ZSCAN5B: variants seen among roughly 807,000 people sequenced by gnomAD.
ZSCAN5B encodes the protein zinc finger and SCAN domain-containing protein 5B.
In ZSCAN5B, 26 loss-of-function variants were observed where a neutral mutation model predicts 25.2. That is an observed-to-expected ratio of 1.03 (90% confidence interval 0.76 to 1.43). The LOEUF (loss-of-function observed/expected upper bound fraction) is 1.43, where lower values mean the gene tolerates loss of function less well. Ranked by LOEUF, ZSCAN5B falls within the 40% of genes most tolerant of loss-of-function variation. ZSCAN5B has a pLI of 0.00. For synonymous variants in ZSCAN5B, 244 were observed against 240.9 expected (o/e 1.01, Z -0.12); for missense variants, 745 against 622.1 (o/e 1.20, Z -2.10).
intron 1 of ZSCAN5B, among the ~76,000 whole-genome samples, chr19:56,196,611 CAATTTGAAAGTA>C (rs1388374611): frequency 6.6e-6 from 1 of 152,056 alleles, no homozygotes; most frequent in Non-Finnish European, 1.5e-5. Context: ...TTATATTTCT[CAATTTGAAAGTA>C]AATTAGGCCT....
chr19:56,191,367 T>C (rs1303397913), intron 3 of ZSCAN5B, among the ~76,000 whole-genome samples: 1 of 152,070 alleles, frequency 6.6e-6, no homozygotes, highest in Non-Finnish European at 1.5e-5. Flanking sequence ...GCCTCCACCC[T>C]CTAGATGCTA....
exon 4 of ZSCAN5B, chr19:56,190,931 C>T (rs374861595): frequency 9.3e-6 from 15 of 1,614,008 alleles, no homozygotes; most frequent in Admixed American, 3.3e-5. Context: ...GCTTGGGTCT[C>T]GGAGAGTTTG....
At chr19:56,190,301 C>T (rs764081485) in exon 5 of ZSCAN5B, 13 of 1,614,064 alleles carry the variant, frequency 8.1e-6, no homozygotes, top group Middle Eastern at 3.3e-4. Flanking sequence ...TGACCGGGCC[C>T]GCAGGGCCTG....
At chr19:56,197,676 A>G in intron 1 of ZSCAN5B, 58 bp downstream of exon 1, 1 of 947,776 alleles carries the variant, frequency 1.1e-6, no homozygotes, top group Non-Finnish European at 1.3e-6. Flanking sequence ...AACTTTCTGA[A>G]ACCAACCCCC....
At chr19:56,196,499 G>T (rs1391883131) in intron 1 of ZSCAN5B, among the ~76,000 whole-genome samples, 11 of 81,496 alleles carry the variant, frequency 1.3e-4, no homozygotes, top group Admixed American at 1.2e-3. Context: ...TGATAAGACA[G>T]TGAGGTAGAG....
exon 1 of ZSCAN5B, chr19:56,197,736 C>T (rs1966647): frequency 0.55 from 539,346 of 976,558 alleles, 152,059 homozygotes; most frequent in Non-Finnish European, 0.58. Flanking sequence ...ACACTCACCT[C>T]CTTCCCGGCT....
At chr19:56,190,697 T>C in intron 4 of ZSCAN5B, 122 bp from the exon 5 acceptor site, 1 of 1,545,148 alleles carries the variant, frequency 6.5e-7, no homozygotes, top group East Asian at 2.2e-5. Flanking sequence ...GCCTAAGACA[T>C]TGGACTGTAG....
chr19:56,189,733 C>T, exon 5 of ZSCAN5B: 2 of 1,434,112 alleles, frequency 1.4e-6, no homozygotes, highest in Non-Finnish European at 1.9e-6. Flanking sequence ...CAATTCCTAC[C>T]AAGTGCTTTA....
In ZSCAN5B at chr19:56,190,084, A is replaced by G. The variant is rs568142667; in HGVS notation, c.1231T>C (p.Tyr411His). ...CGCTTTTGGCAGACGTCACACATGT[A>G]GGGCCTCTCGCCAGTGTGGACTCGC... The change falls in exon 5 of 5, where the codon TAC (tyrosine) becomes CAC (histidine). Residue 411 changes from tyrosine to histidine, a missense_variant. Physicochemically the swap from Tyr to His is moderately conservative, Grantham distance 83. Transcript: ENST00000586855. 2.5e-6 allele frequency: 4 copies of G among 1,613,980 alleles called. No individual in the cohort carries two copies. In the Admixed American group the frequency reaches 5.0e-5, roughly 20 times the overall value.
chr19:56,194,491 T>G (rs1315747325), intron 1 of ZSCAN5B, among the ~76,000 whole-genome samples: 1 of 152,192 alleles, frequency 6.6e-6, no homozygotes, highest in Non-Finnish European at 1.5e-5. Flanking sequence ...AGATGGGGTT[T>G]CGCCATGTTG....
In ZSCAN5B at chr19:56,191,111, C is replaced by T; in HGVS notation, c.589-124G>A. The stretch of plus-strand genomic sequence containing the variant: ...GGACCACCCCATCACCCCAAGTAAA[C>T]ATCACCACCTCATTTCTGCGTCTGT... On this transcript the variant is annotated intron_variant, in intron 3 of 4. Coordinates refer to ENST00000586855, the Ensembl canonical transcript of ZSCAN5B. 5.4e-6 allele frequency: 7 copies of T among 1,291,098 alleles called. No homozygotes were observed. In the South Asian group the frequency reaches 7.9e-5, roughly 15 times the overall value. The allele number at this position is 1,291,098 out of a possible 1,614,324, so 80.0% of individuals were successfully genotyped here. A position where few individuals can be genotyped will look rare whatever the true frequency, so the allele number is the denominator to read the frequency against.
rs758802656 is a variant in ZSCAN5B, at chr19:56,189,860, G to A, written c.1455C>T (p.His485=). Residue 485 remains histidine, a synonymous_variant, in exon 5 of 5, where the codon CAC becomes CAT. Coordinates refer to ENST00000586855, the Ensembl canonical transcript of ZSCAN5B. ...AGGTGGTTTCCCGGTGTGTTTTCAG[G>A]TGACGCTTGAATGTCCCCAGCTGAC... is the stretch of plus-strand genomic sequence containing the variant. The A allele has an allele frequency of 5.0e-6, 8 of 1,613,080 alleles. No individual in the cohort carries two copies. In the Admixed American group the frequency reaches 1.0e-4, roughly 20 times the overall value.
chr19:56,197,796 G>A lies in ZSCAN5B; in HGVS notation c.-190C>T. The stretch of plus-strand genomic sequence containing the variant: ...GGATGCGCTCTCCAACCGGCCTGGA[G>A]CTGAACTGCGTCTATTTATGGAGAA... On this transcript the variant is annotated 5_prime_UTR_variant, in exon 1 of 5. Transcript: ENST00000586855. 2 of 985,352 alleles carry A rather than the reference G, an allele frequency of 2.0e-6. No homozygotes were observed. Among genetic ancestry groups the A allele is most frequent in the Non-Finnish European group, 2.4e-6 (2 of 829,934 alleles). The allele number at this position is 985,352 out of a possible 1,614,324, so 61.0% of individuals were successfully genotyped here. A position where few individuals can be genotyped will look rare whatever the true frequency, so the allele number is the denominator to read the frequency against.
At chr19:56,190,658 C>A in intron 4 of ZSCAN5B, 83 bp from the exon 5 acceptor site, 1 of 1,562,280 alleles carries the variant, frequency 6.4e-7, no homozygotes, top group South Asian at 1.2e-5. Context: ...AAACACTGAC[C>A]TTGGCTGAGA....
intron 1 of ZSCAN5B, among the ~76,000 whole-genome samples, chr19:56,197,142 G>C (rs1014243864): frequency 6.6e-6 from 1 of 151,842 alleles, no homozygotes; most frequent in Non-Finnish European, 1.5e-5. Context: ...ACCTAACCAT[G>C]ATGAGAAAGT....
exon 1 of ZSCAN5B, chr19:56,197,755 C>T: frequency 1.5e-5 from 15 of 985,404 alleles, no homozygotes; most frequent in Non-Finnish European, 1.7e-5. Context: ...CTTCTGCCTC[C>T]GACCTTCTCG....
In ZSCAN5B at chr19:56,190,525, CCA is replaced by C; in HGVS notation, c.788_789del (p.Val263GlyfsTer6). 2 of 1,613,730 alleles carry C rather than the reference CCA, an allele frequency of 1.2e-6. No homozygotes were observed. The highest frequency in any genetic ancestry group is 1.7e-6 in the Non-Finnish European group (2 of 1,179,886). On this transcript the variant is annotated frameshift_variant, in exon 5 of 5. Transcript: ENST00000586855. LOFTEE classifies it low-confidence loss of function (END_TRUNC). ...GAAGGTGTGTCAGCATCCACATTTT[CCA>C]CAGAGGCTCTTTTCTGGGGTTCCTT...
At chr19:56,193,835 G>A (rs59280547) in intron 1 of ZSCAN5B, among the ~76,000 whole-genome samples, 14,662 of 151,846 alleles carry the variant, frequency 0.097, 1,013 homozygotes, top group African/African-American at 0.19. Flanking sequence ...GGTGGCGGGC[G>A]TCTGTAGTCC....
At chr19:56,191,052 G>A in intron 3 of ZSCAN5B, 65 bp from the exon 4 acceptor site, 1 of 1,608,080 alleles carries the variant, frequency 6.2e-7, no homozygotes, top group Non-Finnish European at 8.5e-7. Flanking sequence ...GGACATGTCT[G>A]TCCCCTCCTG....
Sources: gnomAD v4.1 joint callset for allele counts (sites outside exome capture counted in the v4.1 genomes callset) on GRCh38, gnomAD v4.1.1 for gene constraint, MANE v1.5 for transcripts, NCBI Gene and HGNC (gene_info 2026-07-23, HGNC 2026-07-21) for gene names.